ADGRL3: variants seen among roughly 807,000 people sequenced by gnomAD.
ADGRL3 encodes adhesion G protein-coupled receptor L3.
In ADGRL3, 62 loss-of-function variants were observed where a neutral mutation model predicts 153.5. The ratio of observed to expected loss-of-function variants is 0.40; its 90% CI spans 0.33 to 0.50. The LOEUF (loss-of-function observed/expected upper bound fraction) is 0.50, where lower values mean the gene tolerates loss of function less well. Among genes scored for constraint, ADGRL3 ranks in the 20% least tolerant of loss-of-function variants. The probability of loss-of-function intolerance (pLI) is 0.47; values close to 1 mark genes in which losing one functional copy is unlikely to be tolerated. For missense variants in ADGRL3, 1,641 were observed against 1,859.4 expected (o/e 0.88, Z 2.16); for synonymous variants, 710 against 672.5 (o/e 1.06, Z -0.86).
intron 9 of ADGRL3, among the ~76,000 whole-genome samples, chr4:61,862,482 G>A (rs576105929): frequency 5.3e-5 from 8 of 152,130 alleles, no homozygotes; most frequent in Admixed American, 1.3e-4. Context: ...AGATGGGACC[G>A]GGATATTATG....
chr4:61,295,426 G>A (rs188545991), intron 1 of ADGRL3, among the ~76,000 whole-genome samples: 92 of 152,180 alleles, frequency 6.0e-4, no homozygotes, highest in African/African-American at 2.0e-3. Context: ...TCTACCTGCA[G>A]TTTTGGCATT....
At chr4:61,626,729 A>T (rs1350958824) in intron 5 of ADGRL3, among the ~76,000 whole-genome samples, 1 of 152,100 alleles carries the variant, frequency 6.6e-6, no homozygotes, top group Non-Finnish European at 1.5e-5. Flanking sequence ...GCTTTTATTT[A>T]TCAGTGAAAT....
rs187822487 is a variant in ADGRL3, at chr4:61,908,248, C to T, written c.1888-1312C>T. On this transcript the variant is annotated intron_variant, in intron 11 of 26. Coordinates refer to ENST00000683033, the MANE Select transcript of ADGRL3 (RefSeq NM_001387552.1). ...ACTGTGATGAGCTATGATTGTGCCC[C>T]TGCACTTCTTCAGCCTGTGTGACAG... Among the ~76,000 whole-genome samples the T allele has an allele frequency of 3.3e-5, 5 of 152,174 alleles. No homozygotes were observed. In the East Asian group the frequency reaches 9.7e-4, roughly 29 times the overall value.
chr4:62,070,499 T>C lies in ADGRL3; in HGVS notation c.4223T>C (p.Val1408Ala). 1 of 1,540,940 alleles carries C rather than the reference T, an allele frequency of 6.5e-7. No homozygotes were observed. ...GATGCTCCTTTGCTGCCCCCAAGAGTATACTCCACCGAGAACCACCAGCCA... is the reference window on the plus strand; with the variant it reads ...GATGCTCCTTTGCTGCCCCCAAGAGCATACTCCACCGAGAACCACCAGCCA... The part of the protein sequence containing the change: ...ESDAPLLPPR[V>A]YSTENHQPHH... Residue 1408 changes from valine to alanine, a missense_variant, in exon 27 of 27, where the codon GTA becomes GCA. Val to Ala is a moderately conservative substitution (Grantham distance 64, BLOSUM62 0). Transcript: ENST00000683033.
intron 2 of ADGRL3, chr4:61,428,187 C>A (rs115824780): frequency 0.015 from 2,367 of 152,746 alleles, 58 homozygotes; most frequent in African/African-American, 0.054. Flanking sequence ...ACTCGGGGGG[C>A]CGTAGGCAGG....
At chr4:61,611,178 T>TA (rs1579844921) in intron 5 of ADGRL3, among the ~76,000 whole-genome samples, 1 of 152,104 alleles carries the variant, frequency 6.6e-6, no homozygotes, top group East Asian at 1.9e-4. Flanking sequence ...CTATCATCCC[T>TA]ATGGCTCAGG....
intron 6 of ADGRL3, among the ~76,000 whole-genome samples, chr4:61,730,268 C>A (rs937214857): frequency 2.0e-5 from 3 of 151,804 alleles, no homozygotes; most frequent in African/African-American, 7.2e-5. Flanking sequence ...TGAAAGCTTT[C>A]TTTGTATAAT....
intron 1 of ADGRL3, among the ~76,000 whole-genome samples, chr4:61,231,023 T>C (rs1750404154): frequency 6.6e-6 from 1 of 152,176 alleles, no homozygotes; most frequent in African/African-American, 2.4e-5. Context: ...CCAGACACCC[T>C]TGTAGCTAGG....
At chr4:61,255,492 C>G (rs772930778) in intron 1 of ADGRL3, among the ~76,000 whole-genome samples, 17 of 152,056 alleles carry the variant, frequency 1.1e-4, no homozygotes, top group Admixed American at 2.6e-4. Context: ...CTATACATGT[C>G]TGATATGTTC....
At chr4:61,745,409 A>C (rs2096643080) in intron 8 of ADGRL3, among the ~76,000 whole-genome samples, 1 of 152,180 alleles carries the variant, frequency 6.6e-6, no homozygotes, top group African/African-American at 2.4e-5. Flanking sequence ...CATAATTGTC[A>C]GATTCACCAA....
In ADGRL3 at chr4:61,839,842, C is replaced by T. The variant is rs138402262; in HGVS notation, c.1480+25953C>T. 7.0e-3 allele frequency among the ~76,000 whole-genome samples: 1,060 copies of T among 151,396 alleles called. 18 individuals carry two copies. The highest frequency in any genetic ancestry group is 0.024 in the African/African-American group (973 of 41,248). The stretch of plus-strand genomic sequence containing the variant: ...GTGCATAACTGCAGTCCCAGCCACT[C>T]GTGGGGCTGAGGTGGGAGGATCACT... On this transcript the variant is annotated intron_variant, in intron 9 of 26. Coordinates refer to ENST00000683033, the MANE Select transcript of ADGRL3 (RefSeq NM_001387552.1).
At chr4:61,604,261 G>A (rs1005658442) in intron 5 of ADGRL3, among the ~76,000 whole-genome samples, 1 of 152,120 alleles carries the variant, frequency 6.6e-6, no homozygotes, top group Admixed American at 6.5e-5. Context: ...CCTTCATTAT[G>A]TCAGTGTCTG....
intron 17 of ADGRL3, among the ~76,000 whole-genome samples, chr4:61,969,502 CAGTTGTTTAGCCTTTTTTTTTCAGTATT>C (rs1246806026): frequency 6.6e-6 from 1 of 151,954 alleles, no homozygotes; most frequent in Non-Finnish European, 1.5e-5. Flanking sequence ...TAAAGTAACA[CAGTTGTTTAGCCTTTTTTTTTCAGTATT>C]GTCATGTTAG....
chr4:61,474,276 G>GA (rs1560694967), intron 2 of ADGRL3, among the ~76,000 whole-genome samples: 1 of 152,104 alleles, frequency 6.6e-6, no homozygotes, highest in Non-Finnish European at 1.5e-5. Context: ...TCTAAATAGG[G>GA]AAAATAACAG....
chr4:61,858,519 G>A (rs1251608162), intron 9 of ADGRL3, among the ~76,000 whole-genome samples: 2 of 152,172 alleles, frequency 1.3e-5, no homozygotes, highest in Non-Finnish European at 2.9e-5. Flanking sequence ...TACTCAGGAG[G>A]CTAAAGCAGG....
At chr4:61,302,744 C>T (rs531575871) in intron 1 of ADGRL3, among the ~76,000 whole-genome samples, 1 of 152,036 alleles carries the variant, frequency 6.6e-6, no homozygotes, top group African/African-American at 2.4e-5. Flanking sequence ...AAACCAAGTA[C>T]CCGAGTTAGA....
chr4:61,281,725 G>A (rs976089933), intron 1 of ADGRL3, among the ~76,000 whole-genome samples: 1 of 152,076 alleles, frequency 6.6e-6, no homozygotes, highest in Non-Finnish European at 1.5e-5. Context: ...GGCCTTGACT[G>A]AGCATTAGTT....
intron 6 of ADGRL3, among the ~76,000 whole-genome samples, chr4:61,687,561 G>A (rs968187046): frequency 6.6e-5 from 10 of 151,846 alleles, no homozygotes; most frequent in African/African-American, 2.4e-4. Flanking sequence ...GGAAGGGTGG[G>A]ATGTAAAATA....
chr4:61,352,615 C>T (rs1010178633), intron 1 of ADGRL3, among the ~76,000 whole-genome samples: 1 of 152,136 alleles, frequency 6.6e-6, no homozygotes, highest in African/African-American at 2.4e-5. Flanking sequence ...GCACGCCTGA[C>T]CTCAGGTGAT....
Sources: allele counts gnomAD v4.1 joint callset (sites outside exome capture counted in the v4.1 genomes callset), GRCh38; gene constraint gnomAD v4.1.1; transcripts MANE v1.5; gene names NCBI Gene and HGNC (gene_info 2026-07-23, HGNC 2026-07-21).